Variants in EXOC2 observed in about 807,000 individuals in gnomAD.
EXOC2 encodes the protein exocyst complex component 2.
EXOC2 carries 70 observed loss-of-function variants against 131.8 expected under a neutral mutation model. That is an observed-to-expected ratio of 0.53 (90% confidence interval 0.44 to 0.65). The LOEUF (loss-of-function observed/expected upper bound fraction) is 0.65. EXOC2 is among the 30% of genes least tolerant of loss of function. The pLI is 0.00. For synonymous variants in EXOC2, 411 were observed against 398.4 expected (o/e 1.03, Z -0.38); for missense variants, 923 against 1,108.6 (o/e 0.83, Z 2.38).
chr6:574,793 T>TTGAATCTAA (rs1318929836), intron 12 of EXOC2, among the ~76,000 whole-genome samples: 2 of 152,194 alleles, frequency 1.3e-5, no homozygotes, highest in Admixed American at 6.5e-5. Context: ...AACAGAACAG[T>TTGAATCTAA]CAATTAACCA....
At chr6:622,995 C>T (rs888807945) in intron 4 of EXOC2, among the ~76,000 whole-genome samples, 2 of 152,240 alleles carry the variant, frequency 1.3e-5, no homozygotes, top group African/African-American at 4.8e-5. Context: ...TTAAGAAACT[C>T]TCCTACCCCC....
chr6:629,076 T>C (rs147988632), intron 4 of EXOC2, among the ~76,000 whole-genome samples: 130 of 152,262 alleles, frequency 8.5e-4, no homozygotes, highest in Admixed American at 1.4e-3. Flanking sequence ...AGATTATATA[T>C]AGAGAGATTA....
intron 4 of EXOC2, among the ~76,000 whole-genome samples, chr6:625,519 T>C (rs1438266114): frequency 1.3e-4 from 10 of 74,494 alleles, no homozygotes; most frequent in Non-Finnish European, 2.6e-4. Context: ...GTTTCCGTTC[T>C]TTTTTTTTTT....
At chr6:637,228 A>G (rs562066105) in intron 2 of EXOC2, among the ~76,000 whole-genome samples, 1 of 152,306 alleles carries the variant, frequency 6.6e-6, no homozygotes, top group South Asian at 2.1e-4. Context: ...CGATGAGGAC[A>G]CATGCCCGCC....
intron 4 of EXOC2, among the ~76,000 whole-genome samples, chr6:625,817 C>A (rs1019277297): frequency 3.9e-5 from 6 of 152,248 alleles, no homozygotes; most frequent in African/African-American, 1.4e-4. Flanking sequence ...AGTGGTGCAA[C>A]AACTGACTCT....
intron 3 of EXOC2, among the ~76,000 whole-genome samples, chr6:630,541 T>C (rs780574951): frequency 1.3e-5 from 2 of 152,236 alleles, no homozygotes; most frequent in Non-Finnish European, 2.9e-5. Flanking sequence ...TGTGAGTTTC[T>C]GCTTCTGGGT....
At chr6:540,365 A>T (rs2127553085) in intron 22 of EXOC2, among the ~76,000 whole-genome samples, 1 of 152,336 alleles carries the variant, frequency 6.6e-6, no homozygotes, top group South Asian at 2.1e-4. Context: ...TTGATTTTCT[A>T]TCTATACAGA....
intron 1 of EXOC2, among the ~76,000 whole-genome samples, chr6:644,679 A>G (rs1762500476): frequency 6.6e-6 from 1 of 152,288 alleles, no homozygotes; most frequent in South Asian, 2.1e-4. Flanking sequence ...ATATATAAAA[A>G]TCAGTTATTT....
intron 11 of EXOC2, among the ~76,000 whole-genome samples, chr6:581,687 A>G (rs1168810895): frequency 6.6e-6 from 1 of 152,228 alleles, no homozygotes; most frequent in African/African-American, 2.4e-5. Context: ...TCAATATGTC[A>G]AAGAAAACAT....
intron 6 of EXOC2, among the ~76,000 whole-genome samples, chr6:617,065 T>C (rs369850233): frequency 1.0e-3 from 154 of 152,348 alleles, no homozygotes; most frequent in African/African-American, 3.2e-3. Flanking sequence ...TTAAGCTATA[T>C]GGGTATTTAG....
intron 11 of EXOC2, among the ~76,000 whole-genome samples, chr6:581,781 C>A (rs1434868360): frequency 6.6e-6 from 1 of 152,056 alleles, no homozygotes; most frequent in African/African-American, 2.4e-5. Flanking sequence ...AAAAAAGACA[C>A]AACTGTTTTT....
rs146153481 is a variant in EXOC2 at position 664,734 on chromosome 6, A to G, written c.-43-26873T>C. Among the ~76,000 whole-genome samples, 819 of 152,346 alleles carry G rather than the reference A, an allele frequency of 5.4e-3. 9 individuals carry two copies. Among genetic ancestry groups the G allele is most frequent in the African/African-American group, 0.019 (782 of 41,576 alleles). On this transcript the variant is annotated intron_variant, in intron 1 of 27. Transcript: ENST00000230449. ...ATGGTGCTAGTATAACTGGCTAGCC[A>G]CATGTAGGAGAATAAAACTGGATCC...
intron 3 of EXOC2, among the ~76,000 whole-genome samples, chr6:632,206 A>G (rs1242564781): frequency 6.6e-6 from 1 of 152,246 alleles, no homozygotes; most frequent in African/African-American, 2.4e-5. Flanking sequence ...AGCACTTTAC[A>G]TTTATGTTCT....
intron 4 of EXOC2, among the ~76,000 whole-genome samples, chr6:627,514 TTCTGAGTCTCTATTAGA>T (rs1182246745): frequency 3.9e-5 from 6 of 152,214 alleles, no homozygotes; most frequent in African/African-American, 1.4e-4. Flanking sequence ...TCATTGGCTA[TTCTGAGTCTCTATTAGA>T]AAGACAGAGC....
chr6:576,110 T>C (rs1462135291), intron 12 of EXOC2, among the ~76,000 whole-genome samples: 3 of 152,236 alleles, frequency 2.0e-5, no homozygotes, highest in Non-Finnish European at 2.9e-5. Flanking sequence ...CTGAATTTAA[T>C]ACAATGTAAG....
chr6:690,627 C>T (rs1024620954), intron 1 of EXOC2, among the ~76,000 whole-genome samples: 7 of 152,252 alleles, frequency 4.6e-5, no homozygotes, highest in East Asian at 1.9e-4. Context: ...GGCGTGAACC[C>T]GGGAGGCAGA....
rs77147511 is a variant in EXOC2, at chr6:607,508, T to A, written c.742+2590A>T. 3.5e-4 allele frequency among the ~76,000 whole-genome samples: 54 copies of A among 152,350 alleles called. 1 individual carries two copies. In the East Asian group the frequency reaches 0.01, roughly 29 times the overall value. On this transcript the variant is annotated intron_variant, in intron 7 of 27. Coordinates refer to ENST00000230449, the MANE Select transcript of EXOC2 (RefSeq NM_018303.6). ...CGACTGCCACAGCTACTGCTACAAA[T>A]ACTTACACAGCATGTCTACACCTGC...
intron 23 of EXOC2, among the ~76,000 whole-genome samples, chr6:526,172 G>C (rs1171680068): frequency 6.6e-6 from 1 of 152,028 alleles, no homozygotes; most frequent in Non-Finnish European, 1.5e-5. Context: ...TGTATAGATG[G>C]GCCAATTTAC....
In EXOC2 at chr6:636,555, A is replaced by G. The variant is rs561706408; in HGVS notation, c.118+1146T>C. On this transcript the variant is annotated intron_variant, in intron 2 of 27. Coordinates refer to ENST00000230449, the MANE Select transcript of EXOC2 (RefSeq NM_018303.6). ...GAGCTCCCGTTCACTTTTTCTTTTT[A>G]AAGAGTTTTCTGGATGGCCAAAAAC... Among the ~76,000 whole-genome samples the G allele has an allele frequency of 2.0e-5, 3 of 152,338 alleles. No homozygotes were observed. The South Asian group carries it at 6.2e-4, about 32-fold the overall frequency.
Sources: gnomAD v4.1 joint callset for allele counts (sites outside exome capture counted in the v4.1 genomes callset) on GRCh38, gnomAD v4.1.1 for gene constraint, MANE v1.5 for transcripts, NCBI Gene and HGNC (gene_info 2026-07-23, HGNC 2026-07-21) for gene names.